The following IGF2BP3 variants were observed in gnomAD, a reference collection of about 807,000 sequenced individuals.
IGF2BP3 encodes insulin like growth factor 2 mRNA binding protein 3.
IGF2BP3 carries 9 observed loss-of-function variants against 73.8 expected under a neutral mutation model. The ratio of observed to expected loss-of-function variants is 0.12; its 90% CI spans 0.07 to 0.21. IGF2BP3 has a LOEUF of 0.21. Ranked by LOEUF, IGF2BP3 falls within the 10% of genes least tolerant of loss-of-function variation. IGF2BP3 has a pLI of 1.00. For missense variants in IGF2BP3, 542 were observed against 714.0 expected (o/e 0.76, Z 2.75); for synonymous variants, 258 against 256.7 (o/e 1.01, Z -0.05).
At chr7:23,347,110 C>G (rs1784847958) in intron 7 of IGF2BP3, among the ~76,000 whole-genome samples, 1 of 152,136 alleles carries the variant, frequency 6.6e-6, no homozygotes, top group Admixed American at 6.5e-5. Flanking sequence ...CAGAACCCAA[C>G]CTTCACTCAA....
intron 3 of IGF2BP3, among the ~76,000 whole-genome samples, chr7:23,391,857 T>C (rs1270377288): frequency 6.6e-6 from 1 of 152,220 alleles, no homozygotes; most frequent in Non-Finnish European, 1.5e-5. Context: ...AAGGAATGTT[T>C]CTGTTTTTAC....
At chr7:23,415,311 G>A (rs897953028) in intron 3 of IGF2BP3, 5 of 233,158 alleles carry the variant, frequency 2.1e-5, no homozygotes, top group African/African-American at 1.3e-4. Flanking sequence ...CACATCCGCA[G>A]GTCCCCGTTC....
At chr7:23,316,953 G>C (rs1375512327) in intron 12 of IGF2BP3, among the ~76,000 whole-genome samples, 1 of 152,148 alleles carries the variant, frequency 6.6e-6, no homozygotes, top group Non-Finnish European at 1.5e-5. Flanking sequence ...ACTACCTTAG[G>C]ATGTAGGTGC....
At chr7:23,322,869 G>A (rs1445168204) in intron 10 of IGF2BP3, among the ~76,000 whole-genome samples, 2 of 152,084 alleles carry the variant, frequency 1.3e-5, no homozygotes, top group South Asian at 2.1e-4. Context: ...GCAAGCAAAT[G>A]CCGAGAGATT....
intron 3 of IGF2BP3, among the ~76,000 whole-genome samples, chr7:23,394,998 G>C (rs762944598): frequency 2.2e-4 from 34 of 152,134 alleles, no homozygotes; most frequent in Non-Finnish European, 4.3e-4. Flanking sequence ...TGAGAAAGAA[G>C]AACATGGAGT....
chr7:23,437,926 A>T (rs1038476361), intron 2 of IGF2BP3, among the ~76,000 whole-genome samples: 1 of 152,246 alleles, frequency 6.6e-6, no homozygotes, highest in African/African-American at 2.4e-5. Flanking sequence ...TCAAAACGCA[A>T]GTCAACGAAA....
At position 23,351,595 on chromosome 7, in the gene IGF2BP3, T is replaced by C; in HGVS notation, c.402-9A>G. On this transcript the variant is annotated splice_polypyrimidine_tract_variant and intron_variant, in intron 5 of 14. Transcript: ENST00000258729. ...TCAGTTTGTCTAGTGCTCTGAAAGT[T>C]GAAAAGGGGCAGGGGTGGGAAAAGG... is the stretch of plus-strand genomic sequence containing the variant. 1 of 1,613,850 alleles carries C rather than the reference T, an allele frequency of 6.2e-7. No individual in the cohort carries two copies. The highest frequency in any genetic ancestry group is 8.5e-7 in the Non-Finnish European group (1 of 1,179,938).
At chr7:23,360,779 G>GT (rs1197781975) in intron 5 of IGF2BP3, among the ~76,000 whole-genome samples, 2 of 152,174 alleles carry the variant, frequency 1.3e-5, no homozygotes, top group Non-Finnish European at 2.9e-5. Context: ...GCTCCTGCCA[G>GT]TATGGTATCT....
intron 1 of IGF2BP3, 117 bp from the exon 2 acceptor site, chr7:23,468,659 G>A: frequency 9.9e-7 from 1 of 1,015,136 alleles, no homozygotes; most frequent in Non-Finnish European, 1.5e-6. Flanking sequence ...AAGGGCCCCC[G>A]AGGCCCGGAC....
chr7:23,395,176 A>C (rs1352419927), intron 3 of IGF2BP3, among the ~76,000 whole-genome samples: 1 of 152,212 alleles, frequency 6.6e-6, no homozygotes, highest in Non-Finnish European at 1.5e-5. Context: ...GTTTTCCTTA[A>C]AGTTTTTTTA....
intron 10 of IGF2BP3, among the ~76,000 whole-genome samples, chr7:23,331,689 G>A (rs558205940): frequency 1.2e-4 from 18 of 151,942 alleles, no homozygotes; most frequent in South Asian, 6.3e-4. Context: ...GTGAAACCCC[G>A]TCTCTACTGA....
At chr7:23,416,027 A>G (rs981484217) in intron 3 of IGF2BP3, 9 of 152,212 alleles carry the variant, frequency 5.9e-5, no homozygotes, top group African/African-American at 1.9e-4. Flanking sequence ...AGGCTTTATC[A>G]TGCATAATCC....
intron 2 of IGF2BP3, among the ~76,000 whole-genome samples, chr7:23,426,353 C>A: frequency 1.6e-5 from 2 of 128,508 alleles, no homozygotes; most frequent in African/African-American, 3.0e-5. Flanking sequence ...GGGGTGGGGC[C>A]AAAATTGCCA....
chr7:23,319,330 G>A, intron 10 of IGF2BP3, 76 bp from the exon 11 acceptor site: 3 of 908,454 alleles, frequency 3.3e-6, no homozygotes, highest in East Asian at 2.5e-5. Context: ...GCTTTAGGAA[G>A]GACACCTTCT....
chr7:23,359,042 T>C (rs1785161957), intron 5 of IGF2BP3, among the ~76,000 whole-genome samples: 1 of 152,268 alleles, frequency 6.6e-6, no homozygotes. Flanking sequence ...GCCTAATTTA[T>C]TTAAGTTACC....
intron 12 of IGF2BP3, among the ~76,000 whole-genome samples, chr7:23,314,621 CAA>C (rs1783927144): frequency 6.6e-6 from 1 of 151,810 alleles, no homozygotes; most frequent in Admixed American, 6.6e-5. Flanking sequence ...TTTTTTTGAG[CAA>C]AAGAGACAGA....
chr7:23,465,888 T>C (rs1378567468), intron 2 of IGF2BP3, among the ~76,000 whole-genome samples: 2 of 152,110 alleles, frequency 1.3e-5, no homozygotes, highest in Non-Finnish European at 2.9e-5. Context: ...GGGCATGTGG[T>C]CACCCTGATG....
intron 3 of IGF2BP3, among the ~76,000 whole-genome samples, chr7:23,392,515 TAC>T (rs999095640): frequency 2.0e-5 from 3 of 146,584 alleles, no homozygotes; most frequent in South Asian, 2.1e-4. Context: ...CACATATATA[TAC>T]ACACACACAT....
chr7:23,409,945 G>C (rs1786965588), intron 3 of IGF2BP3, among the ~76,000 whole-genome samples: 1 of 152,158 alleles, frequency 6.6e-6, no homozygotes, highest in Admixed American at 6.5e-5. Context: ...AAGATGGGTT[G>C]ATCACCTGAG....
Sources: gnomAD v4.1 joint callset for allele counts (sites outside exome capture counted in the v4.1 genomes callset) on GRCh38, gnomAD v4.1.1 for gene constraint, MANE v1.5 for transcripts, NCBI Gene and HGNC (gene_info 2026-07-23, HGNC 2026-07-21) for gene names.